Variants in ANKS1B observed in about 807,000 individuals in gnomAD.
The protein encoded by ANKS1B is ankyrin repeat and sterile alpha motif domain containing 1B, also known as ankyrin repeat and sterile alpha motif domain-containing protein 1B.
ANKS1B carries 36 observed loss-of-function variants against 148.3 expected under a neutral mutation model. The observed-to-expected ratio is 0.24, with a 90% CI of 0.19 to 0.32. The LOEUF (loss-of-function observed/expected upper bound fraction) is 0.32. ANKS1B is among the 10% of genes least tolerant of loss of function. The pLI, the probability that ANKS1B is intolerant of heterozygous loss-of-function variation, is 1.00. For missense variants in ANKS1B, 1,157 were observed against 1,542.6 expected (o/e 0.75, Z 4.19); for synonymous variants, 542 against 560.8 (o/e 0.97, Z 0.47).
intron 9 of ANKS1B, among the ~76,000 whole-genome samples, chr12:99,583,467 T>G (rs562670330): frequency 1.3e-5 from 2 of 152,196 alleles, no homozygotes; most frequent in African/African-American, 4.8e-5. Flanking sequence ...TGGTACTGAT[T>G]TGAACCACAT....
At chr12:99,454,705 T>C (rs2095817198) in intron 10 of ANKS1B, among the ~76,000 whole-genome samples, 1 of 152,230 alleles carries the variant, frequency 6.6e-6, no homozygotes, top group African/African-American at 2.4e-5. Context: ...TTCCTTGTCT[T>C]ATAAATTCTC....
intron 17 of ANKS1B, among the ~76,000 whole-genome samples, chr12:98,990,698 T>A (rs115537631): frequency 6.6e-5 from 10 of 152,200 alleles, no homozygotes; most frequent in African/African-American, 2.4e-4. Flanking sequence ...AAATATAGGA[T>A]AGCTCTTTTT....
At chr12:99,311,382 G>A (rs2083148410) in intron 12 of ANKS1B, among the ~76,000 whole-genome samples, 1 of 152,154 alleles carries the variant, frequency 6.6e-6, no homozygotes, top group Admixed American at 6.6e-5. Context: ...AGTTTAAATG[G>A]AACGCTGGAT....
chr12:99,404,114 G>A (rs2094476780), intron 11 of ANKS1B, among the ~76,000 whole-genome samples: 3 of 145,968 alleles, frequency 2.1e-5, no homozygotes, highest in Non-Finnish European at 3.0e-5. Flanking sequence ...CTTATATGTG[G>A]GAGCTAAATT....
intron 12 of ANKS1B, among the ~76,000 whole-genome samples, chr12:99,353,207 G>A (rs2091628535): frequency 6.6e-6 from 1 of 151,952 alleles, no homozygotes; most frequent in Non-Finnish European, 1.5e-5. Context: ...GTGAAATGTG[G>A]CTTCACTCCA....
At chr12:99,557,092 GCCTT>G (rs1175760174) in intron 9 of ANKS1B, among the ~76,000 whole-genome samples, 1 of 152,076 alleles carries the variant, frequency 6.6e-6, no homozygotes, top group African/African-American at 2.4e-5. Context: ...TTCTCTAGCT[GCCTT>G]TAACATTTTT....
At chr12:99,667,531 T>C (rs546516017) in intron 8 of ANKS1B, among the ~76,000 whole-genome samples, 62 of 152,334 alleles carry the variant, frequency 4.1e-4, no homozygotes, top group African/African-American at 1.5e-3. Flanking sequence ...ATATCACCTG[T>C]GAATAAAGAG....
chr12:99,859,156 A>C (rs1012981323), intron 1 of ANKS1B, among the ~76,000 whole-genome samples: 6 of 152,244 alleles, frequency 3.9e-5, no homozygotes, highest in African/African-American at 1.4e-4. Flanking sequence ...ATGGAGTAGA[A>C]CACTGAAGTT....
chr12:99,809,076 T>C (rs1393756965), intron 3 of ANKS1B, among the ~76,000 whole-genome samples: 1 of 152,142 alleles, frequency 6.6e-6, no homozygotes, highest in African/African-American at 2.4e-5. Context: ...TGATCTAAAA[T>C]AATCTAATTT....
intron 12 of ANKS1B, among the ~76,000 whole-genome samples, chr12:99,284,840 T>C (rs2078919904): frequency 6.6e-6 from 1 of 152,214 alleles, no homozygotes; most frequent in South Asian, 2.1e-4. Context: ...TAACATCATA[T>C]TGAGTCATTC....
At chr12:98,957,626 G>A (rs1442607082) in intron 17 of ANKS1B, among the ~76,000 whole-genome samples, 1 of 152,076 alleles carries the variant, frequency 6.6e-6, no homozygotes, top group East Asian at 1.9e-4. Context: ...GATTACAGGC[G>A]TGAGCTGCCA....
chr12:99,243,712 TC>T (rs1209521897), intron 14 of ANKS1B, among the ~76,000 whole-genome samples: 1 of 152,184 alleles, frequency 6.6e-6, no homozygotes, highest in Admixed American at 6.5e-5. Flanking sequence ...AAGGATGAGC[TC>T]ATGTCCTTTG....
chr12:99,411,502 C>T (rs112851705), intron 11 of ANKS1B, among the ~76,000 whole-genome samples: 5,456 of 152,088 alleles, frequency 0.036, 336 homozygotes, highest in African/African-American at 0.12. Flanking sequence ...TGAATAGCAC[C>T]GCAATAAACA....
intron 6 of ANKS1B, among the ~76,000 whole-genome samples, chr12:99,778,409 G>A (rs2063906944): frequency 6.6e-6 from 1 of 151,630 alleles, no homozygotes; most frequent in African/African-American, 2.4e-5. Context: ...TTGGGAGACT[G>A]AGGCAGGAGA....
chr12:99,157,281 A>C (rs2076165426), intron 14 of ANKS1B, among the ~76,000 whole-genome samples: 1 of 152,226 alleles, frequency 6.6e-6, no homozygotes, highest in South Asian at 2.1e-4. Flanking sequence ...TTCTCCTAGG[A>C]TCACAGCCAC....
At chr12:99,378,522 A>T (rs1213736773) in intron 12 of ANKS1B, among the ~76,000 whole-genome samples, 2 of 151,804 alleles carry the variant, frequency 1.3e-5, no homozygotes, top group Non-Finnish European at 2.9e-5. Flanking sequence ...GGGCGTGGTG[A>T]CATGCACCTG....
At chr12:99,614,149 TAGAG>T (rs1330171552) in intron 9 of ANKS1B, among the ~76,000 whole-genome samples, 1 of 151,906 alleles carries the variant, frequency 6.6e-6, no homozygotes, top group Non-Finnish European at 1.5e-5. Context: ...TGAAAATCCA[TAGAG>T]GCTGGGCATG....
chr12:99,966,092 G>A (rs189559477), intron 1 of ANKS1B, among the ~76,000 whole-genome samples: 1 of 152,234 alleles, frequency 6.6e-6, no homozygotes, highest in African/African-American at 2.4e-5. Context: ...AGACTAAGGA[G>A]GTATGACAAC....
chr12:99,036,113 A>G (rs2099955409), intron 17 of ANKS1B, among the ~76,000 whole-genome samples: 1 of 152,084 alleles, frequency 6.6e-6, no homozygotes, highest in Non-Finnish European at 1.5e-5. Context: ...CTGTGTGCAC[A>G]GTGATTTTGA....
Sources: allele counts gnomAD v4.1 joint callset (sites outside exome capture counted in the v4.1 genomes callset), GRCh38; gene constraint gnomAD v4.1.1; transcripts MANE v1.5; gene names NCBI Gene and HGNC (gene_info 2026-07-23, HGNC 2026-07-21).